CD274: variants seen among roughly 807,000 people sequenced by gnomAD.
The protein encoded by CD274 is programmed cell death 1 ligand 1.
CD274 carries 8 observed loss-of-function variants against 30.1 expected under a neutral mutation model. The observed-to-expected ratio is 0.27, with a 90% CI of 0.16 to 0.48. CD274 has a LOEUF of 0.48. Among genes scored for constraint, CD274 ranks in the 20% least tolerant of loss-of-function variants. CD274 has a pLI of 0.99. For synonymous variants in CD274, 152 were observed against 124.6 expected (o/e 1.22, Z -1.46); for missense variants, 353 against 346.6 (o/e 1.02, Z -0.15).
rs1427305960 is a variant in CD274 at position 5,462,898 on chromosome 9, G to C, written c.459G>C (p.Leu153=). 4 of 1,613,998 alleles carry C rather than the reference G, an allele frequency of 2.5e-6. No homozygotes were observed. Among genetic ancestry groups the C allele is most frequent in the African/African-American group, 2.7e-5 (2 of 75,014 alleles). Residue 153 remains leucine (L), a synonymous_variant, in exon 4 of 7, where the codon CTG becomes CTC. Coordinates refer to ENST00000381577, the MANE Select transcript of CD274 (RefSeq NM_014143.4). ...ATCCAGTCACCTCTGAACATGAACTGACATGTCAGGCTGAGGGCTACCCCA... is the reference window on the plus strand; with the variant it reads ...ATCCAGTCACCTCTGAACATGAACTCACATGTCAGGCTGAGGGCTACCCCA... ...VVDPVTSEHE[L]TCQAEGYPKA...
chr9:5,455,953 A>G lies in CD274; in HGVS notation c.-14-147A>G, dbSNP rs1390282523. 10 of 584,228 alleles carry G rather than the reference A, an allele frequency of 1.7e-5. No individual in the cohort carries two copies. In the Admixed American group the frequency reaches 2.1e-4, roughly 12 times the overall value. The allele number at this position is 584,228 out of a possible 1,614,324, so 36.2% of individuals were successfully genotyped here. A position where few individuals can be genotyped will look rare whatever the true frequency, so the allele number is the denominator to read the frequency against. ...ATGGAATGAAGATATTGAACTTCCA[A>G]TTCCCTGTTGGGTTTCCACAATTAC... On this transcript the variant is annotated intron_variant, in intron 1 of 6. Coordinates refer to ENST00000381577, the MANE Select transcript of CD274 (RefSeq NM_014143.4).
chr9:5,461,329 T>C (rs1374969572), intron 3 of CD274, among the ~76,000 whole-genome samples: 2 of 152,192 alleles, frequency 1.3e-5, no homozygotes, highest in African/African-American at 2.4e-5. Flanking sequence ...TTTTGTAAGA[T>C]GGTTAGTTTA....
Position 5,465,569 on chromosome 9 carries a change from T to G in CD274, c.753T>G (p.Leu251=). 1 of 1,609,312 alleles carries G rather than the reference T, an allele frequency of 6.2e-7. No individual in the cohort carries two copies. Among genetic ancestry groups the G allele is most frequent in the Non-Finnish European group, 8.5e-7 (1 of 1,175,660 alleles). ...TTCTGGGAGCCATCTTATTATGCCT[T>G]GGTGTAGCACTGACATTCATCTTCC... ...LVILGAILLC[L]GVALTFIFRL... is the part of the protein sequence containing the mutation. Residue 251 remains leucine (L), a synonymous_variant, in exon 5 of 7, where the codon CTT becomes CTG. Coordinates refer to ENST00000381577, the MANE Select transcript of CD274 (RefSeq NM_014143.4).
chr9:5,461,393 C>T (rs985567316), intron 3 of CD274, among the ~76,000 whole-genome samples: 2 of 152,120 alleles, frequency 1.3e-5, no homozygotes, highest in Admixed American at 1.3e-4. Context: ...AAGCAACCTA[C>T]ACATAAGAAC....
rs1376851601 is a variant in CD274 at position 5,466,516 on chromosome 9, T to A, written c.791-254T>A. Among the ~76,000 whole-genome samples the A allele has an allele frequency of 3.9e-5, 6 of 152,054 alleles. No homozygotes were observed. The East Asian group carries it at 1.2e-3, about 29-fold the overall frequency. ...AGAAATCAATAGATATTAAAATACC[T>A]CAGAATTTGGTTCATCTCTGGGAAA... On this transcript the variant is annotated intron_variant, in intron 5 of 6. Transcript: ENST00000381577.
intron 6 of CD274, among the ~76,000 whole-genome samples, chr9:5,467,474 T>C (rs1819516421): frequency 6.6e-6 from 1 of 152,184 alleles, no homozygotes; most frequent in African/African-American, 2.4e-5. Flanking sequence ...AGGTTTCTAA[T>C]TTTTTTAATG....
intron 3 of CD274, among the ~76,000 whole-genome samples, chr9:5,458,681 G>C (rs1482788318): frequency 2.0e-5 from 3 of 152,190 alleles, no homozygotes; most frequent in Admixed American, 2.0e-4. Context: ...TCAGTTTTAT[G>C]TTGTATTTCT....
intron 3 of CD274, among the ~76,000 whole-genome samples, chr9:5,461,390 C>A (rs1819401644): frequency 6.6e-6 from 1 of 152,092 alleles, no homozygotes; most frequent in Admixed American, 6.6e-5. Context: ...CCAAAGCAAC[C>A]TACACATAAG....
chr9:5,470,291 C>A lies in CD274; in HGVS notation c.*2429C>A. On this transcript the variant is annotated 3_prime_UTR_variant, in exon 7 of 7. Coordinates refer to ENST00000381577, the MANE Select transcript of CD274 (RefSeq NM_014143.4). ...ATTACAGGCAAGAATTGTGGCTGAGCAAGGCACATAGTCTACTCAGTCTAT... is the reference window on the plus strand; with the variant it reads ...ATTACAGGCAAGAATTGTGGCTGAGAAAGGCACATAGTCTACTCAGTCTAT... 4.3e-6 allele frequency: 1 copy of A among 232,452 alleles called. No homozygotes were observed. 14.4% of individuals were successfully genotyped at this position (232,452 alleles called of 1,614,324 possible).
chr9:5,469,840 CTCTGTATGACAGAATCAT>C lies in CD274; in HGVS notation c.*1979_*1996del, dbSNP rs1563807403. 1.0e-4 allele frequency: 24 copies of C among 232,946 alleles called. No homozygotes were observed. The highest frequency in any genetic ancestry group is 5.1e-4 in the African/African-American group (23 of 45,334). The allele number at this position is 232,946 out of a possible 1,614,324, so 14.4% of individuals were successfully genotyped here. On this transcript the variant is annotated 3_prime_UTR_variant, in exon 7 of 7. Transcript: ENST00000381577. The stretch of plus-strand genomic sequence containing the variant: ...TCCTAAAAAGCAATCTTATTATTAA[CTCTGTATGACAGAATCAT>C]GTCTGGAACTTTTGTTTTCTGCTTT...
rs1306241088 is a variant in CD274, at chr9:5,465,420, AG to A, written c.683-77del. On this transcript the variant is annotated intron_variant, in intron 4 of 6. Coordinates refer to ENST00000381577, the MANE Select transcript of CD274 (RefSeq NM_014143.4). ...TATCCTAAAGCTAAACTAAACTTCAAGGATGACCATTCTCCTGACCCCTTCC... is the reference window on the plus strand; with the variant it reads ...TATCCTAAAGCTAAACTAAACTTCAAGATGACCATTCTCCTGACCCCTTCC... The A allele has an allele frequency of 3.7e-6, 3 of 800,468 alleles. No individual in the cohort carries two copies. The African/African-American group carries it at 5.2e-5, about 14-fold the overall frequency. 49.6% of individuals were successfully genotyped at this position (800,468 alleles called of 1,614,324 possible).
chr9:5,456,979 C>G, intron 2 of CD274, 100 bp from the exon 3 acceptor site: 1 of 759,026 alleles, frequency 1.3e-6, no homozygotes, highest in South Asian at 1.8e-5. Flanking sequence ...ATAATGATAA[C>G]ATAACCGACC....
At chr9:5,456,692 G>T (rs1819310343) in intron 2 of CD274, among the ~76,000 whole-genome samples, 1 of 152,218 alleles carries the variant, frequency 6.6e-6, no homozygotes, top group Non-Finnish European at 1.5e-5. Flanking sequence ...AGAGATGACT[G>T]TTAGAATCTA....
intron 3 of CD274, among the ~76,000 whole-genome samples, chr9:5,461,623 G>T (rs1217831683): frequency 4.6e-5 from 7 of 151,956 alleles, no homozygotes; most frequent in Non-Finnish European, 8.8e-5. Flanking sequence ...ATCATTAGTG[G>T]TTACACTATA....
At chr9:5,455,885 C>T (rs1022811839) in intron 1 of CD274, among the ~76,000 whole-genome samples, 4 of 148,670 alleles carry the variant, frequency 2.7e-5, no homozygotes, top group Admixed American at 2.6e-4. Flanking sequence ...AACTTCTCAT[C>T]TTTTAGTAAC....
At position 5,463,028 on chromosome 9, in the gene CD274, C is replaced by G. The variant is rs1269175425; in HGVS notation, c.589C>G (p.Leu197Val). The G allele has an allele frequency of 1.2e-6, 2 of 1,613,386 alleles. No homozygotes were observed. Among genetic ancestry groups the G allele is most frequent in the Non-Finnish European group, 1.7e-6 (2 of 1,179,456 alleles). ...EEKLFNVTST[L>V]RINTTTNEIF... ...GAAGCTTTTCAATGTGACCAGCACA[C>G]TGAGAATCAACACAACAACTAATGA... The change falls in exon 4 of 7, where the codon CTG (leucine) becomes GTG (valine). Residue 197 changes from leucine (L) to valine (V), a missense_variant. Coordinates refer to ENST00000381577, the MANE Select transcript of CD274 (RefSeq NM_014143.4).
At chr9:5,452,495 C>T (rs943608633) in intron 1 of CD274, among the ~76,000 whole-genome samples, 6 of 152,176 alleles carry the variant, frequency 3.9e-5, no homozygotes, top group African/African-American at 9.7e-5. Flanking sequence ...TGTCTCCATT[C>T]GGATATGGGA....
chr9:5,457,263 T>C lies in CD274; in HGVS notation c.237T>C (p.Ser79=), dbSNP rs2131212098. 1 of 1,614,038 alleles carries C rather than the reference T, an allele frequency of 6.2e-7. No individual in the cohort carries two copies. Among genetic ancestry groups the C allele is most frequent in the Non-Finnish European group, 8.5e-7 (1 of 1,179,976 alleles). ...HGEEDLKVQH[S]SYRQRARLLK... ...AGGAAGACCTGAAGGTTCAGCATAG[T>C]AGCTACAGACAGAGGGCCCGGCTGT... The change falls in exon 3 of 7, where the codon AGT becomes AGC. Residue 79 remains serine, a synonymous_variant. Coordinates refer to ENST00000381577, the MANE Select transcript of CD274 (RefSeq NM_014143.4).
At position 5,468,045 on chromosome 9, in the gene CD274, G is replaced by T; in HGVS notation, c.*183G>T. On this transcript the variant is annotated 3_prime_UTR_variant, in exon 7 of 7. Transcript: ENST00000381577. ...GCAGAGGAGGAGAATGAAGAAAGAT[G>T]GAGTCAAACAGGGAGCCTGGAGGGA... is the stretch of plus-strand genomic sequence containing the variant. 1 of 621,522 alleles carries T rather than the reference G, an allele frequency of 1.6e-6. No homozygotes were observed. The highest frequency in any genetic ancestry group is 2.0e-5 in the South Asian group (1 of 50,474). The allele number at this position is 621,522 out of a possible 1,614,324, so 38.5% of individuals were successfully genotyped here.
Sources: allele counts gnomAD v4.1 joint callset (sites outside exome capture counted in the v4.1 genomes callset), GRCh38; gene constraint gnomAD v4.1.1; transcripts MANE v1.5; gene names NCBI Gene and HGNC (gene_info 2026-07-23, HGNC 2026-07-21).